Variants in MCTP2 observed in about 807,000 individuals in gnomAD.
The protein encoded by MCTP2 is multiple C2 and transmembrane domain containing 2.
Under a neutral mutation model 111.6 loss-of-function variants are expected in MCTP2, and 132 were observed. The observed-to-expected ratio is 1.18, with a 90% confidence interval of 1.03 to 1.37. The LOEUF is 1.37. MCTP2 is among the 40% of genes most tolerant of loss of function. MCTP2 has a pLI of 0.00. For missense variants in MCTP2, 1,183 were observed against 1,067.9 expected, an observed-to-expected ratio of 1.11 and a Z score of -1.50; for synonymous variants, 395 against 387.7, an observed-to-expected ratio of 1.02 and a Z score of -0.22.
At chr15:94,464,255 TA>T (rs2085416594) in intron 20 of MCTP2, among the ~76,000 whole-genome samples, 2 of 80,232 alleles carry the variant, frequency 2.5e-5, no homozygotes, top group African/African-American at 5.7e-5. Flanking sequence ...TATATATATA[TA>T]TTATATATAT....
chr15:94,399,912 C>A lies in MCTP2; in HGVS notation c.1891-9C>A. On this transcript the variant is annotated splice_polypyrimidine_tract_variant and intron_variant, in intron 15 of 22. Transcript: ENST00000357742. ...TGCTGCCCTTTTTTAACAAGGATGTCTTTTCTAGGTGAAAGCAAGTATTAG... is the reference window on the plus strand; with the variant it reads ...TGCTGCCCTTTTTTAACAAGGATGTATTTTCTAGGTGAAAGCAAGTATTAG... 6.2e-7 allele frequency: 1 copy of A among 1,613,268 alleles called. No homozygotes were observed. The highest frequency in any genetic ancestry group is 8.5e-7 in the Non-Finnish European group (1 of 1,179,304).
At chr15:94,389,027 C>T (rs1419922486) in intron 14 of MCTP2, among the ~76,000 whole-genome samples, 4 of 152,066 alleles carry the variant, frequency 2.6e-5, no homozygotes, top group African/African-American at 7.2e-5. Context: ...GGGTAACTTG[C>T]AGGAAGGCAC....
intron 1 of MCTP2, among the ~76,000 whole-genome samples, chr15:94,244,550 G>A (rs1390595611): frequency 1.4e-5 from 2 of 140,740 alleles, no homozygotes; most frequent in Non-Finnish European, 3.1e-5. Flanking sequence ...ACATACATAT[G>A]CACCTATGTT....
chr15:94,243,707 A>ACG (rs200388971), intron 1 of MCTP2, among the ~76,000 whole-genome samples: 1,783 of 126,966 alleles, frequency 0.014, 29 homozygotes, highest in Middle Eastern at 0.024. Context: ...GCGTATATAC[A>ACG]CATATATGTA....
chr15:94,417,381 A>C (rs1277787523), intron 17 of MCTP2, among the ~76,000 whole-genome samples: 1 of 152,188 alleles, frequency 6.6e-6, no homozygotes, highest in Non-Finnish European at 1.5e-5. Context: ...AGTTTTCTTT[A>C]GAGCACCTTC....
chr15:94,303,064 A>ATATATATATAGTT (rs1555448625), intron 2 of MCTP2, among the ~76,000 whole-genome samples: 53 of 125,918 alleles, frequency 4.2e-4, no homozygotes, highest in African/African-American at 1.4e-3. Context: ...CTAATGGAAT[A>ATATATATATAGTT]TATATATATA....
At position 94,358,594 on chromosome 15, in the gene MCTP2, AT is replaced by A. The variant is rs1291338037; in HGVS notation, c.1284del (p.His428GlnfsTer17). On this transcript the variant is annotated frameshift_variant, in exon 10 of 23. Coordinates refer to ENST00000357742, the MANE Select transcript of MCTP2 (RefSeq NM_001385001.1). LOFTEE classifies it high-confidence loss of function. The stretch of plus-strand genomic sequence containing the variant: ...GTGTGGGGAAAGGACAACAAAAAGC[AT>A]GAGGAACGTCTGGGCACGTGAGTCC... ...IEVWGKDNKK[H>X]EERLGTCKVD... 1 of 1,613,588 alleles carries A rather than the reference AT, an allele frequency of 6.2e-7. No homozygotes were observed. Among genetic ancestry groups the A allele is most frequent in the Non-Finnish European group, 8.5e-7 (1 of 1,179,756 alleles).
At chr15:94,303,062 ATATATATATATAGTT>A (rs1373297752) in intron 2 of MCTP2, among the ~76,000 whole-genome samples, 54 of 21,490 alleles carry the variant, frequency 2.5e-3, no homozygotes, top group Non-Finnish European at 0.014. Flanking sequence ...AACTAATGGA[ATATATATATATAGTT>A]TATATATATA....
intron 12 of MCTP2, among the ~76,000 whole-genome samples, chr15:94,375,306 T>C (rs974065703): frequency 6.6e-6 from 1 of 152,154 alleles, no homozygotes; most frequent in African/African-American, 2.4e-5. Context: ...GGGCCCCACC[T>C]CCACCATTGG....
intron 1 of MCTP2, among the ~76,000 whole-genome samples, chr15:94,232,966 G>A (rs1384561142): frequency 6.6e-6 from 1 of 152,194 alleles, no homozygotes; most frequent in East Asian, 1.9e-4. Flanking sequence ...ATAAGGAACT[G>A]AGGCAGAGAG....
At chr15:94,401,327 A>T (rs1371934957) in intron 16 of MCTP2, among the ~76,000 whole-genome samples, 1 of 152,216 alleles carries the variant, frequency 6.6e-6, no homozygotes, top group South Asian at 2.1e-4. Flanking sequence ...ACCTTGTAAG[A>T]TTAGCACTAA....
At chr15:94,473,363 T>A (rs987556906) in intron 21 of MCTP2, among the ~76,000 whole-genome samples, 3 of 152,232 alleles carry the variant, frequency 2.0e-5, no homozygotes, top group South Asian at 2.1e-4. Flanking sequence ...GTGCTCTATA[T>A]AGATGACATT....
rs189530531 is a variant in MCTP2, at chr15:94,472,115, C to T, written c.2470+1673C>T. Among the ~76,000 whole-genome samples, 18 of 152,326 alleles carry T rather than the reference C, an allele frequency of 1.2e-4. 1 individual carries two copies. The East Asian group carries it at 2.7e-3, about 23-fold the overall frequency. On this transcript the variant is annotated intron_variant, in intron 21 of 22. Coordinates refer to ENST00000357742, the MANE Select transcript of MCTP2 (RefSeq NM_001385001.1). ...AATACTGGCTGGGTGCAGTGGCTCA[C>T]GCCTGTAATCCCAGCACTTTGGGAG... is the stretch of plus-strand genomic sequence containing the variant.
At chr15:94,250,392 G>A (rs2045264) in intron 1 of MCTP2, among the ~76,000 whole-genome samples, 5,752 of 152,242 alleles carry the variant, frequency 0.038, 218 homozygotes, top group East Asian at 0.12. Context: ...TGTGCTGATG[G>A]AGTAATTTAA....
chr15:94,341,217 T>G (rs549121198), intron 7 of MCTP2: 1 of 340,456 alleles, frequency 2.9e-6, no homozygotes, highest in South Asian at 3.2e-5. Flanking sequence ...CTACCAAGTT[T>G]TCCATTGGGA....
chr15:94,347,527 T>C (rs992945022), intron 8 of MCTP2, among the ~76,000 whole-genome samples: 1 of 152,220 alleles, frequency 6.6e-6, no homozygotes, highest in East Asian at 1.9e-4. Context: ...AGATTCTTTT[T>C]TTCAACTGTT....
chr15:94,255,243 A>G (rs1300090518), intron 1 of MCTP2, among the ~76,000 whole-genome samples: 3 of 152,226 alleles, frequency 2.0e-5, no homozygotes, highest in Non-Finnish European at 4.4e-5. Context: ...GAAGATGGCT[A>G]AGTTTCCAAC....
intron 14 of MCTP2, among the ~76,000 whole-genome samples, chr15:94,389,282 G>T (rs2080720834): frequency 6.6e-6 from 1 of 152,016 alleles, no homozygotes; most frequent in Non-Finnish European, 1.5e-5. Flanking sequence ...GCCGTGTCTG[G>T]GAATGAGGAG....
At chr15:94,443,576 A>G (rs1048307842) in intron 19 of MCTP2, among the ~76,000 whole-genome samples, 3 of 152,140 alleles carry the variant, frequency 2.0e-5, no homozygotes, top group Non-Finnish European at 4.4e-5. Context: ...GAGGGATGGT[A>G]ACATGTAGGA....
Sources: gnomAD v4.1 joint callset for allele counts (sites outside exome capture counted in the v4.1 genomes callset) on GRCh38, gnomAD v4.1.1 for gene constraint, MANE v1.5 for transcripts, NCBI Gene and HGNC (gene_info 2026-07-23, HGNC 2026-07-21) for gene names.